FSTL4: variants seen among roughly 807,000 people sequenced by gnomAD.
The protein encoded by FSTL4 is follistatin-related protein 4.
Under a neutral mutation model 78.2 loss-of-function variants are expected in FSTL4, and 28 were observed. The observed-to-expected ratio is 0.36, with a 90% CI of 0.27 to 0.49. The LOEUF (loss-of-function observed/expected upper bound fraction) is 0.49. FSTL4 is among the 20% of genes least tolerant of loss of function. The pLI is 0.98. For missense variants in FSTL4, 922 were observed against 1,084.9 expected (o/e 0.85, Z 2.11); for synonymous variants, 422 against 440.5 (o/e 0.96, Z 0.53).
chr5:133,321,907 C>T (rs1220218147), intron 4 of FSTL4, among the ~76,000 whole-genome samples: 3 of 152,228 alleles, frequency 2.0e-5, no homozygotes, highest in South Asian at 2.1e-4. Flanking sequence ...GCAGGACCGC[C>T]GTGATTTGGA....
At chr5:133,529,126 ACACCTG>A (rs1275178470) in intron 3 of FSTL4, among the ~76,000 whole-genome samples, 2 of 152,180 alleles carry the variant, frequency 1.3e-5, no homozygotes, top group African/African-American at 4.8e-5. Flanking sequence ...GACAATCTGA[ACACCTG>A]CTCAGAATTG....
the FSTL4 span, among the ~76,000 whole-genome samples, chr5:133,731,628 CAG>C: frequency 7.2e-5 from 11 of 152,186 alleles, no homozygotes; most frequent in Middle Eastern, 6.8e-3. Context: ...CCAAGGGAGT[CAG>C]AGGGTCACAG....
chr5:133,460,608 A>C (rs1561725844), intron 3 of FSTL4, among the ~76,000 whole-genome samples: 1 of 152,164 alleles, frequency 6.6e-6, no homozygotes, highest in Non-Finnish European at 1.5e-5. Context: ...AAACTGAAAA[A>C]AAGTCGACTT....
chr5:133,523,294 T>G (rs1304411928), intron 3 of FSTL4, among the ~76,000 whole-genome samples: 1 of 152,048 alleles, frequency 6.6e-6, no homozygotes, highest in Non-Finnish European at 1.5e-5. Context: ...AAAATAAACT[T>G]CCGGTGTTGA....
the FSTL4 span, among the ~76,000 whole-genome samples, chr5:133,707,896 G>A: frequency 1.3e-5 from 2 of 151,992 alleles, no homozygotes; most frequent in African/African-American, 4.8e-5. Flanking sequence ...TGAGGCCCGG[G>A]CACTGGGGAG....
the FSTL4 span, among the ~76,000 whole-genome samples, chr5:133,704,846 T>C: frequency 2.0e-5 from 3 of 152,180 alleles, no homozygotes; most frequent in Admixed American, 6.5e-5. Context: ...CAGATCCTAA[T>C]GGCACACCCA....
intron 3 of FSTL4, among the ~76,000 whole-genome samples, chr5:133,565,761 T>C (rs1032979685): frequency 3.3e-5 from 5 of 152,174 alleles, no homozygotes; most frequent in Non-Finnish European, 7.3e-5. Context: ...CCCAGCCTTA[T>C]TAGAGACATT....
intron 3 of FSTL4, among the ~76,000 whole-genome samples, chr5:133,424,137 G>A (rs1756757444): frequency 1.3e-5 from 2 of 152,220 alleles, no homozygotes; most frequent in African/African-American, 4.8e-5. Context: ...AGATTTCAGG[G>A]GACACCTCAG....
At chr5:133,725,443 G>A in the FSTL4 span, among the ~76,000 whole-genome samples, 8 of 152,286 alleles carry the variant, frequency 5.3e-5, no homozygotes, top group Non-Finnish European at 8.8e-5. Flanking sequence ...TGTTCTCCAC[G>A]AGCCACCCAC....
chr5:133,252,673 T>G (rs1430101726), intron 6 of FSTL4, among the ~76,000 whole-genome samples: 2 of 152,090 alleles, frequency 1.3e-5, no homozygotes, highest in Non-Finnish European at 2.9e-5. Flanking sequence ...GATACAAGGC[T>G]AGGAGCATGG....
chr5:133,251,498 G>C (rs761665254), intron 6 of FSTL4, among the ~76,000 whole-genome samples: 1 of 152,000 alleles, frequency 6.6e-6, no homozygotes, highest in Non-Finnish European at 1.5e-5. Flanking sequence ...CTTTTAACAG[G>C]AAACCAAACA....
intron 3 of FSTL4, among the ~76,000 whole-genome samples, chr5:133,511,822 A>G (rs1561451537): frequency 6.6e-6 from 1 of 152,118 alleles, no homozygotes. Flanking sequence ...GCAGGGATGC[A>G]GCCAGCTGAC....
the FSTL4 span, among the ~76,000 whole-genome samples, chr5:133,659,478 T>C: frequency 1.3e-5 from 2 of 152,068 alleles, no homozygotes; most frequent in African/African-American, 4.8e-5. Flanking sequence ...ATCTATTGTT[T>C]GGTTTTTATC....
chr5:133,779,535 G>A, the FSTL4 span, among the ~76,000 whole-genome samples: 8 of 152,090 alleles, frequency 5.3e-5, no homozygotes, highest in Admixed American at 2.6e-4. Context: ...GCAGTGAGCC[G>A]AGATCTCGCC....
At chr5:133,475,468 C>T (rs191943466) in intron 3 of FSTL4, among the ~76,000 whole-genome samples, 84 of 152,300 alleles carry the variant, frequency 5.5e-4, no homozygotes, top group Admixed American at 1.2e-3. Context: ...TGTCAGAAAG[C>T]TATTTTATCT....
intron 2 of FSTL4, among the ~76,000 whole-genome samples, chr5:133,594,295 A>T (rs1561480646): frequency 6.6e-6 from 1 of 152,152 alleles, no homozygotes; most frequent in Admixed American, 6.5e-5. Context: ...GGTTTAAGCG[A>T]TTCTCCTGCC....
chr5:133,225,209 T>C lies in FSTL4; in HGVS notation c.1253A>G (p.Glu418Gly). The change falls in exon 10 of 16, where the codon GAA (glutamate) becomes GGA (glycine). Residue 418 changes from glutamate to glycine, a missense_variant. Transcript: ENST00000265342. The surrounding 1 kb of genome is among the most constrained non-coding windows in gnomAD (Gnocchi z 4.6). ...TGAYTCIAKN[E>G]VGVDEDISSL... ...GGAGATATCTTCATCCACACCCACT[T>C]CATTTTTGGCAATGCAGGTGTATGC... The C allele has an allele frequency of 6.2e-7, 1 of 1,614,126 alleles. No individual in the cohort carries two copies. Among genetic ancestry groups the C allele is most frequent in the African/African-American group, 1.3e-5 (1 of 75,016 alleles).
chr5:133,466,974 GTA>G, intron 3 of FSTL4, among the ~76,000 whole-genome samples: 1 of 151,798 alleles, frequency 6.6e-6, no homozygotes, highest in Middle Eastern at 3.4e-3. Context: ...GTGTGTATGT[GTA>G]TGAGTGTGAA....
the FSTL4 span, among the ~76,000 whole-genome samples, chr5:133,732,391 G>A: frequency 6.6e-6 from 1 of 152,148 alleles, no homozygotes; most frequent in African/African-American, 2.4e-5. Flanking sequence ...CAGAGGGCTG[G>A]AGACACTCCA....
Sources: gnomAD v4.1 joint callset for allele counts (sites outside exome capture counted in the v4.1 genomes callset) on GRCh38, gnomAD v4.1.1 for gene constraint, Gnocchi (gnomAD v3.1) non-coding constraint, MANE v1.5 for transcripts, NCBI Gene and HGNC (gene_info 2026-07-23, HGNC 2026-07-21) for gene names.